The following TAOK1 variants were observed in gnomAD, a reference collection of about 807,000 sequenced individuals.
TAOK1 encodes the protein TAO kinase 1, also known as serine/threonine-protein kinase TAO1.
A neutral mutation model predicts 138.3 loss-of-function variants in TAOK1; 21 were observed. The ratio of observed to expected loss-of-function variants is 0.15; its 90% confidence interval spans 0.11 to 0.22. The LOEUF is 0.22. TAOK1 is among the 10% of genes least tolerant of loss of function. The pLI is 1.00. For missense variants in TAOK1, 651 were observed against 1,227.7 expected, an observed-to-expected ratio of 0.53 and a Z score of 7.02; for synonymous variants, 361 against 398.4, an observed-to-expected ratio of 0.91 and a Z score of 1.12.
At chr17:29,409,308 C>CATATATATATAATATAT (rs1905079859) in intron 1 of TAOK1, among the ~76,000 whole-genome samples, 3 of 79,494 alleles carry the variant, frequency 3.8e-5, no homozygotes, top group African/African-American at 1.7e-4. Flanking sequence ...TTTTTATGGA[C>CATATATATATAATATAT]ATATATATAT....
At chr17:29,536,172 G>A (rs1368265969) in intron 19 of TAOK1, among the ~76,000 whole-genome samples, 6 of 152,082 alleles carry the variant, frequency 3.9e-5, no homozygotes, top group African/African-American at 1.4e-4. Flanking sequence ...GGTGGCAGGC[G>A]CCTGTAATCC....
intron 17 of TAOK1, among the ~76,000 whole-genome samples, chr17:29,529,992 A>T (rs2032075634): frequency 6.6e-6 from 1 of 151,848 alleles, no homozygotes; most frequent in Non-Finnish European, 1.5e-5. Flanking sequence ...GCACCACTGC[A>T]CTCCAGCCTG....
chr17:29,429,999 T>G (rs1355011257), intron 1 of TAOK1, among the ~76,000 whole-genome samples: 2 of 152,186 alleles, frequency 1.3e-5, no homozygotes, highest in African/African-American at 4.8e-5. Flanking sequence ...AAAACTATAA[T>G]AATGTTGAAT....
intron 1 of TAOK1, among the ~76,000 whole-genome samples, chr17:29,396,333 G>GA (rs1416639807): frequency 6.6e-6 from 1 of 152,084 alleles, no homozygotes; most frequent in African/African-American, 2.4e-5. Flanking sequence ...ATAAAAGTTG[G>GA]AAGAGTTTTT....
intron 13 of TAOK1, among the ~76,000 whole-genome samples, chr17:29,507,283 T>C (rs1402628125): frequency 6.6e-6 from 1 of 151,864 alleles, no homozygotes; most frequent in Non-Finnish European, 1.5e-5. Flanking sequence ...TTTTTTTTTT[T>C]CTTTGTAGTC....
rs576490598 is a variant in TAOK1, at chr17:29,537,106, T to C, written c.2544+2806T>C. On this transcript the variant is annotated intron_variant, in intron 19 of 19. Coordinates refer to ENST00000261716, the MANE Select transcript of TAOK1 (RefSeq NM_020791.4). ...CTATAATATTTCAAGAATGGTGTTA[T>C]GAGAGAAATATTGGCACTATTAAAG... is the stretch of plus-strand genomic sequence containing the variant. 4.2e-4 allele frequency among the ~76,000 whole-genome samples: 64 copies of C among 152,344 alleles called. 1 individual carries two copies. The South Asian group carries it at 0.013, about 31-fold the overall frequency.
At chr17:29,503,995 C>T (rs1412327316) in intron 13 of TAOK1, among the ~76,000 whole-genome samples, 2 of 151,964 alleles carry the variant, frequency 1.3e-5, no homozygotes, top group Non-Finnish European at 2.9e-5. Context: ...CCTGTAATCC[C>T]AGGTACTCAG....
chr17:29,517,369 C>G (rs2031836790), intron 15 of TAOK1, 84 bp from the exon 16 acceptor site: 1 of 1,360,520 alleles, frequency 7.4e-7, no homozygotes, highest in Non-Finnish European at 1.0e-6. Context: ...ATCTGCCCAC[C>G]TCGGCCTCCC....
rs571179749 is a variant in TAOK1 at position 29,500,633 on chromosome 17, C to G, written c.1204-1956C>G. ...GCACACACCTGTAATCCCAGCTACTCAGGAGTCTGAGACAGAAGAATCGCT... is the reference window on the plus strand; with the variant it reads ...GCACACACCTGTAATCCCAGCTACTGAGGAGTCTGAGACAGAAGAATCGCT... On this transcript the variant is annotated intron_variant, in intron 12 of 19. Coordinates refer to ENST00000261716, the MANE Select transcript of TAOK1 (RefSeq NM_020791.4). 5.9e-5 allele frequency among the ~76,000 whole-genome samples: 9 copies of G among 151,702 alleles called. No homozygotes were observed. The South Asian group carries it at 1.9e-3, about 32-fold the overall frequency.
chr17:29,403,461 G>C (rs1904907969), intron 1 of TAOK1, among the ~76,000 whole-genome samples: 1 of 152,076 alleles, frequency 6.6e-6, no homozygotes, highest in Non-Finnish European at 1.5e-5. Context: ...CCATATCCTT[G>C]ATTGTACTTG....
intron 1 of TAOK1, among the ~76,000 whole-genome samples, chr17:29,426,332 A>G (rs566817788): frequency 6.6e-6 from 1 of 152,340 alleles, no homozygotes; most frequent in South Asian, 2.1e-4. Context: ...GAGAAAATAA[A>G]TAATTATAAG....
chr17:29,415,575 G>A (rs574745392), intron 1 of TAOK1, among the ~76,000 whole-genome samples: 11 of 152,204 alleles, frequency 7.2e-5, no homozygotes, highest in African/African-American at 2.6e-4. Context: ...GTTTTGATTT[G>A]CATTTCCCTG....
intron 1 of TAOK1, among the ~76,000 whole-genome samples, chr17:29,408,412 C>T (rs1905054369): frequency 4.0e-5 from 6 of 150,660 alleles, no homozygotes; most frequent in African/African-American, 4.9e-5. Flanking sequence ...GATGGGGTTT[C>T]GCCGTGTTGC....
At chr17:29,524,705 TTTCTCC>T (rs1280684228) in intron 17 of TAOK1, among the ~76,000 whole-genome samples, 1 of 152,214 alleles carries the variant, frequency 6.6e-6, no homozygotes, top group Non-Finnish European at 1.5e-5. Context: ...CTCTTTCAAT[TTTCTCC>T]TTTAGTAGCG....
At chr17:29,409,333 A>ATATATATTT (rs1348702470) in intron 1 of TAOK1, among the ~76,000 whole-genome samples, 2 of 59,034 alleles carry the variant, frequency 3.4e-5, no homozygotes, top group African/African-American at 1.3e-4. Context: ...ATATATATAT[A>ATATATATTT]TTTTTTTTTT....
At chr17:29,472,030 A>C (rs2030829847) in intron 3 of TAOK1, among the ~76,000 whole-genome samples, 1 of 152,104 alleles carries the variant, frequency 6.6e-6, no homozygotes, top group Non-Finnish European at 1.5e-5. Flanking sequence ...TGTTTCCACC[A>C]CATCTGCAAT....
In TAOK1 at chr17:29,428,099, C is replaced by T. The variant is rs534303913; in HGVS notation, c.-94-23356C>T. Among the ~76,000 whole-genome samples, 3 of 152,088 alleles carry T rather than the reference C, an allele frequency of 2.0e-5. No individual in the cohort carries two copies. In the South Asian group the frequency reaches 6.2e-4, roughly 32 times the overall value. On this transcript the variant is annotated intron_variant, in intron 1 of 19. Coordinates refer to ENST00000261716, the MANE Select transcript of TAOK1 (RefSeq NM_020791.4). ...ATGAATAAGTGCCAACCGTTTTTTT[C>T]CAGACTTGTATCATTTGTTCAAGAT...
chr17:29,488,849 G>A (rs1178708165), intron 8 of TAOK1, among the ~76,000 whole-genome samples: 3 of 151,984 alleles, frequency 2.0e-5, no homozygotes, highest in Admixed American at 2.0e-4. Flanking sequence ...CAGTTGAATA[G>A]AAAACTGAAA....
At chr17:29,411,903 T>A (rs1267774533) in intron 1 of TAOK1, among the ~76,000 whole-genome samples, 2 of 152,186 alleles carry the variant, frequency 1.3e-5, no homozygotes, top group East Asian at 1.9e-4. Context: ...TCTGACTCTT[T>A]ACCATAAATA....
Sources: allele counts gnomAD v4.1 joint callset (sites outside exome capture counted in the v4.1 genomes callset), GRCh38; gene constraint gnomAD v4.1.1; transcripts MANE v1.5; gene names NCBI Gene and HGNC (gene_info 2026-07-23, HGNC 2026-07-21).